STK32C: variants seen among roughly 807,000 people sequenced by gnomAD.
The protein encoded by STK32C is serine/threonine-protein kinase 32C.
In STK32C, 31 loss-of-function variants were observed where a neutral mutation model predicts 56.5. The ratio of observed to expected loss-of-function variants is 0.55; its 90% CI spans 0.41 to 0.74. The LOEUF is 0.74. STK32C is among the 30% of genes least tolerant of loss of function. The pLI is 0.00. For synonymous variants in STK32C, 309 were observed against 289.4 expected, an observed-to-expected ratio of 1.07 and a Z score of -0.69; for missense variants, 544 against 676.9, an observed-to-expected ratio of 0.80 and a Z score of 2.18.
At chr10:132,246,185 G>C (rs752591792) in intron 1 of STK32C, among the ~76,000 whole-genome samples, 2 of 152,240 alleles carry the variant, frequency 1.3e-5, no homozygotes, top group Non-Finnish European at 2.9e-5. Context: ...TCCCAGGATT[G>C]CTATGGGATT....
intron 1 of STK32C, among the ~76,000 whole-genome samples, chr10:132,305,795 A>G (rs1404329238): frequency 1.3e-5 from 2 of 152,190 alleles, no homozygotes; most frequent in African/African-American, 4.8e-5. Flanking sequence ...CACCGCCCAG[A>G]GATGTCCTCT....
chr10:132,249,044 G>T (rs768285403), intron 1 of STK32C: 3 of 475,144 alleles, frequency 6.3e-6, no homozygotes, highest in East Asian at 1.3e-4. Context: ...AAAGCCTCCC[G>T]ACTGTGCGAC....
chr10:132,302,891 C>T (rs760890141), intron 1 of STK32C, among the ~76,000 whole-genome samples: 8 of 152,158 alleles, frequency 5.3e-5, no homozygotes, highest in African/African-American at 1.4e-4. Context: ...AAAACCATCA[C>T]GGGGCCACTA....
intron 1 of STK32C, among the ~76,000 whole-genome samples, chr10:132,261,107 C>A (rs554844490): frequency 6.6e-6 from 1 of 152,262 alleles, no homozygotes; most frequent in East Asian, 1.9e-4. Flanking sequence ...TCGGGGACTA[C>A]GAGCTTAGGC....
At chr10:132,303,183 AG>A (rs558153697) in intron 1 of STK32C, among the ~76,000 whole-genome samples, 3 of 152,218 alleles carry the variant, frequency 2.0e-5, no homozygotes, top group Non-Finnish European at 4.4e-5. Context: ...AGATCCCTAC[AG>A]GGGGAAACAT....
chr10:132,220,298 A>G (rs996694421), intron 10 of STK32C, among the ~76,000 whole-genome samples: 5 of 152,312 alleles, frequency 3.3e-5, no homozygotes, highest in African/African-American at 9.6e-5. Context: ...GGCAGCCTCT[A>G]CCGGAGGGTA....
chr10:132,243,943 T>C (rs1013890628), intron 2 of STK32C, among the ~76,000 whole-genome samples: 5 of 152,182 alleles, frequency 3.3e-5, no homozygotes, highest in African/African-American at 4.8e-5. Context: ...CACCACCACC[T>C]GCAGGGAAAC....
At chr10:132,228,163 A>G (rs1565082382) in intron 2 of STK32C, 35 bp from the exon 3 acceptor site, 2 of 1,613,096 alleles carry the variant, frequency 1.2e-6, no homozygotes, top group Admixed American at 1.7e-5. Context: ...AGGACGCCTG[A>G]GGACGCCTGG....
chr10:132,325,835 A>C (rs55907858), intron 1 of STK32C, among the ~76,000 whole-genome samples: 46,021 of 149,876 alleles, frequency 0.31, 7,291 homozygotes, highest in East Asian at 0.37. Flanking sequence ...CATTCTCCTG[A>C]CTCAGCCTCC....
chr10:132,290,729 C>T (rs1334563349), intron 1 of STK32C, among the ~76,000 whole-genome samples: 1 of 152,228 alleles, frequency 6.6e-6, no homozygotes, highest in Non-Finnish European at 1.5e-5. Context: ...GCCCTGAGGG[C>T]CCAAGGCTCT....
At chr10:132,303,806 G>A (rs955002067) in intron 1 of STK32C, among the ~76,000 whole-genome samples, 20 of 152,210 alleles carry the variant, frequency 1.3e-4, no homozygotes, top group Non-Finnish European at 2.2e-4. Flanking sequence ...GGGAAAAGGC[G>A]ATCAAACCCT....
In STK32C at chr10:132,222,791, T is replaced by G; in HGVS notation, c.1120-19A>C. ...GGCCTTTCTACAGAGGGATGGGTGC[T>G]GAGCCCCGGCCCGTGGAGGACGCCA... On this transcript the variant is annotated intron_variant, in intron 9 of 11. Coordinates refer to ENST00000298630, the MANE Select transcript of STK32C (RefSeq NM_173575.4). 6.3e-7 allele frequency: 1 copy of G among 1,594,408 alleles called. No homozygotes were observed. The highest frequency in any genetic ancestry group is 8.5e-7 in the Non-Finnish European group (1 of 1,170,830).
chr10:132,253,467 GC>G, intron 1 of STK32C, among the ~76,000 whole-genome samples: 1 of 146,894 alleles, frequency 6.8e-6, no homozygotes, highest in Non-Finnish European at 1.5e-5. Flanking sequence ...ACTGGAGGGA[GC>G]TGGAGGGAGT....
upstream of STK32C, among the ~76,000 whole-genome samples, chr10:132,311,636 C>T (rs568033995): frequency 2.0e-5 from 3 of 152,300 alleles, no homozygotes; most frequent in Non-Finnish European, 2.9e-5. This position sits in a 1 kb window ranked among gnomAD's most constrained non-coding sequence, Gnocchi z 4.4. Context: ...CACTGCAGTG[C>T]GCCGGGGCCG....
intron 1 of STK32C, among the ~76,000 whole-genome samples, chr10:132,282,971 C>T (rs966173369): frequency 3.9e-5 from 6 of 152,228 alleles, no homozygotes; most frequent in East Asian, 1.9e-4. Flanking sequence ...GGCCCTGCTG[C>T]GTTCTCAGGC....
At chr10:132,279,529 G>A (rs985584893) in intron 1 of STK32C, among the ~76,000 whole-genome samples, 4 of 152,022 alleles carry the variant, frequency 2.6e-5, no homozygotes, top group East Asian at 1.9e-4. Context: ...GGGGGCTGTG[G>A]CAGGGGGATG....
At chr10:132,283,527 G>T (rs1229756900) in intron 1 of STK32C, among the ~76,000 whole-genome samples, 1 of 152,220 alleles carries the variant, frequency 6.6e-6, no homozygotes, top group Non-Finnish European at 1.5e-5. Flanking sequence ...CCAGCCTCTA[G>T]AAAGGCAGAT....
chr10:132,330,620 G>A (rs1239915027), intron 1 of STK32C: 2 of 674,882 alleles, frequency 3.0e-6, no homozygotes, highest in Non-Finnish European at 5.4e-6. Flanking sequence ...CGATCCTCTT[G>A]CCTCACCCTC....
chr10:132,270,913 GC>G (rs1333611232), intron 1 of STK32C, among the ~76,000 whole-genome samples: 1 of 151,284 alleles, frequency 6.6e-6, no homozygotes, highest in Non-Finnish European at 1.5e-5. Context: ...GAAGGATGCA[GC>G]CCCCCTCCAG....
Sources: gnomAD v4.1 joint callset for allele counts (sites outside exome capture counted in the v4.1 genomes callset) on GRCh38, gnomAD v4.1.1 for gene constraint, Gnocchi (gnomAD v3.1) non-coding constraint, MANE v1.5 for transcripts, NCBI Gene and HGNC (gene_info 2026-07-23, HGNC 2026-07-21) for gene names.